Variants in IQGAP1 observed in about 807,000 individuals in gnomAD.
The protein encoded by IQGAP1 is ras GTPase-activating-like protein IQGAP1.
In IQGAP1, 66 loss-of-function variants were observed where a neutral mutation model predicts 215.6. The observed-to-expected ratio is 0.31, with a 90% confidence interval of 0.25 to 0.38. The LOEUF (loss-of-function observed/expected upper bound fraction) is 0.38, where lower values mean the gene tolerates loss of function less well. Ranked by LOEUF, IQGAP1 falls within the 10% of genes least tolerant of loss-of-function variation. The pLI is 1.00. For missense variants in IQGAP1, 1,712 were observed against 1,997.1 expected (o/e 0.86, Z 2.72); for synonymous variants, 772 against 728.7 (o/e 1.06, Z -0.96).
intron 9 of IQGAP1, among the ~76,000 whole-genome samples, chr15:90,446,876 A>G (rs1211065860): frequency 6.6e-6 from 1 of 152,216 alleles, no homozygotes; most frequent in Non-Finnish European, 1.5e-5. Flanking sequence ...AATGTTCCAC[A>G]CTTTATTATG....
At chr15:90,451,083 C>G (rs568009440) in intron 11 of IQGAP1, among the ~76,000 whole-genome samples, 2 of 152,110 alleles carry the variant, frequency 1.3e-5, no homozygotes, top group South Asian at 4.1e-4. Flanking sequence ...TTCTTCCAGT[C>G]GCTTCATAGT....
intron 5 of IQGAP1, among the ~76,000 whole-genome samples, chr15:90,439,067 C>T (rs530701797): frequency 4.6e-4 from 70 of 151,856 alleles, no homozygotes; most frequent in Middle Eastern, 6.8e-3. Context: ...AGAACCGGGA[C>T]TTTAATTTGT....
intron 2 of IQGAP1, among the ~76,000 whole-genome samples, chr15:90,408,849 G>C (rs1001907648): frequency 5.3e-5 from 8 of 151,792 alleles, no homozygotes; most frequent in Non-Finnish European, 1.0e-4. Context: ...TGGAGTGCAG[G>C]GGTGCAATCA....
intron 18 of IQGAP1, among the ~76,000 whole-genome samples, chr15:90,470,436 G>A (rs373287521): frequency 1.3e-5 from 2 of 152,108 alleles, no homozygotes; most frequent in African/African-American, 2.4e-5. Flanking sequence ...ATTCTAGTGC[G>A]AGGTCTGAGA....
chr15:90,410,961 TC>T (rs749800292), intron 2 of IQGAP1, among the ~76,000 whole-genome samples: 1 of 152,166 alleles, frequency 6.6e-6, no homozygotes, highest in Non-Finnish European at 1.5e-5. Flanking sequence ...TGGAAATTTT[TC>T]TAGTACTTAA....
In IQGAP1 at chr15:90,467,612, G is replaced by A. The variant is rs375253295; in HGVS notation, c.2178+20G>A. 83 of 1,592,758 alleles carry A rather than the reference G, an allele frequency of 5.2e-5. No individual in the cohort carries two copies. The highest frequency in any genetic ancestry group is 1.7e-4 in the South Asian group (15 of 87,764). ...ATCCAGGTAGGTTACCTTTCTTCAC[G>A]TAAGAAGAAGCTGAGAGAAAGTGTT... On this transcript the variant is annotated intron_variant, in intron 18 of 37. Transcript: ENST00000268182.
chr15:90,459,758 C>T (rs1201323951), intron 15 of IQGAP1, among the ~76,000 whole-genome samples: 1 of 152,072 alleles, frequency 6.6e-6, no homozygotes, highest in African/African-American at 2.4e-5. Flanking sequence ...ATCTAAGTCT[C>T]CATCAGCCAT....
At chr15:90,496,697 C>T (rs7169787) in intron 36 of IQGAP1, 23,298 of 152,030 alleles carry the variant, frequency 0.15, 1,999 homozygotes, top group South Asian at 0.23. Flanking sequence ...AACTTAAATA[C>T]GTTCAATAAT....
intron 2 of IQGAP1, among the ~76,000 whole-genome samples, chr15:90,404,725 C>T (rs775797423): frequency 1.3e-5 from 2 of 151,146 alleles, no homozygotes; most frequent in South Asian, 2.1e-4. Context: ...ATTACAGGCG[C>T]GTATCACCAC....
intron 5 of IQGAP1, among the ~76,000 whole-genome samples, chr15:90,437,608 C>A (rs945947886): frequency 2.0e-5 from 3 of 152,078 alleles, no homozygotes; most frequent in African/African-American, 7.2e-5. Context: ...GAGGTGTGAT[C>A]TTGACTCATT....
At chr15:90,444,074 A>AT (rs113807483) in intron 9 of IQGAP1, among the ~76,000 whole-genome samples, 77 of 151,474 alleles carry the variant, frequency 5.1e-4, no homozygotes, top group Non-Finnish European at 7.1e-4. Flanking sequence ...AAAAAAAAAA[A>AT]TATTTTTCTA....
At chr15:90,428,554 G>A (rs1965259055) in intron 3 of IQGAP1, among the ~76,000 whole-genome samples, 9 of 152,012 alleles carry the variant, frequency 5.9e-5, no homozygotes, top group Admixed American at 3.3e-4. Context: ...TGAGGTGGGA[G>A]CCCTCACTTG....
At chr15:90,478,862 C>G (rs1185194970) in intron 26 of IQGAP1, among the ~76,000 whole-genome samples, 1 of 152,102 alleles carries the variant, frequency 6.6e-6, no homozygotes, top group Non-Finnish European at 1.5e-5. Flanking sequence ...GTGAGTTGGG[C>G]TAATTAAATT....
chr15:90,393,995 C>G (rs762797812), intron 2 of IQGAP1: 1 of 152,140 alleles, frequency 6.6e-6, no homozygotes, highest in South Asian at 2.1e-4. Flanking sequence ...ATTAGTCGGG[C>G]GTGGTGGCGG....
chr15:90,452,014 G>C (rs1377727651), intron 11 of IQGAP1, among the ~76,000 whole-genome samples: 3 of 152,112 alleles, frequency 2.0e-5, no homozygotes, highest in Admixed American at 2.0e-4. Flanking sequence ...ATTTTTAGTA[G>C]AGACGGGGTT....
intron 18 of IQGAP1, among the ~76,000 whole-genome samples, chr15:90,470,234 A>G (rs1965887126): frequency 6.6e-6 from 1 of 152,052 alleles, no homozygotes; most frequent in Admixed American, 6.6e-5. Flanking sequence ...TTGGATTTTC[A>G]CTGATTCCTT....
Position 90,500,261 on chromosome 15 carries a change from C to G in IQGAP1, c.*153C>G, listed in dbSNP as rs1003775631. ...GATGCCACATTTTTAACTCCTCTCGCTCTGATGGGACATTTGTTACCCTTT... is the reference window on the plus strand; with the variant it reads ...GATGCCACATTTTTAACTCCTCTCGGTCTGATGGGACATTTGTTACCCTTT... On this transcript the variant is annotated 3_prime_UTR_variant, in exon 38 of 38. Coordinates refer to ENST00000268182, the MANE Select transcript of IQGAP1 (RefSeq NM_003870.4). The G allele has an allele frequency of 1.7e-6, 1 of 579,452 alleles. No individual in the cohort carries two copies. Among genetic ancestry groups the G allele is most frequent in the Non-Finnish European group, 3.1e-6 (1 of 321,006 alleles). The allele number at this position is 579,452 out of a possible 1,614,324, so 35.9% of individuals were successfully genotyped here. A position where few individuals can be genotyped will look rare whatever the true frequency, so the allele number is the denominator to read the frequency against.
chr15:90,448,430 T>G (rs1965554271), intron 9 of IQGAP1, 143 bp from the exon 10 acceptor site: 3 of 686,984 alleles, frequency 4.4e-6, no homozygotes, highest in African/African-American at 3.7e-5. Context: ...TCCCAAGATC[T>G]TATGCTTCTG....
chr15:90,445,992 C>CT (rs1415637313), intron 9 of IQGAP1, among the ~76,000 whole-genome samples: 1 of 152,044 alleles, frequency 6.6e-6, no homozygotes, highest in Non-Finnish European at 1.5e-5. Flanking sequence ...ATTCTGCTAC[C>CT]TTCTGGTTCA....
Sources: gnomAD v4.1 joint callset for allele counts (sites outside exome capture counted in the v4.1 genomes callset) on GRCh38, gnomAD v4.1.1 for gene constraint, MANE v1.5 for transcripts, NCBI Gene and HGNC (gene_info 2026-07-23, HGNC 2026-07-21) for gene names.